Variants in THSD4 observed in about 807,000 individuals in gnomAD.
THSD4 encodes thrombospondin type-1 domain-containing protein 4.
In THSD4, 69 loss-of-function variants were observed where a neutral mutation model predicts 119.0. That is an observed-to-expected ratio of 0.58 (90% CI 0.48 to 0.71). THSD4 has a LOEUF of 0.71. THSD4 is among the 30% of genes least tolerant of loss of function. The pLI, the probability that THSD4 is intolerant of heterozygous loss-of-function variation, is 0.00. For synonymous variants in THSD4, 524 were observed against 540.4 expected (o/e 0.97, Z 0.42); for missense variants, 1,393 against 1,391.1 (o/e 1.00, Z -0.02).
chr15:71,164,197 A>G (rs1336476983), intron 3 of THSD4, among the ~76,000 whole-genome samples: 2 of 151,528 alleles, frequency 1.3e-5, no homozygotes, highest in African/African-American at 4.9e-5. Context: ...TTAGCTAACT[A>G]TATGAAAGGA....
At chr15:71,344,071 C>G (rs1180689930) in intron 6 of THSD4, among the ~76,000 whole-genome samples, 1 of 142,506 alleles carries the variant, frequency 7.0e-6, no homozygotes, top group Non-Finnish European at 1.5e-5. Context: ...CAGAGTCTCG[C>G]TCTGTCGCCC....
At chr15:71,378,388 A>G (rs143349549) in intron 6 of THSD4, among the ~76,000 whole-genome samples, 143 of 152,310 alleles carry the variant, frequency 9.4e-4, no homozygotes, top group African/African-American at 3.2e-3. Context: ...ATGGCTAGCC[A>G]GCTTCTTTCC....
chr15:71,321,408 C>T (rs145428114), intron 6 of THSD4, among the ~76,000 whole-genome samples: 2,789 of 152,106 alleles, frequency 0.018, 88 homozygotes, highest in African/African-American at 0.064. Flanking sequence ...TGGTGGCAGG[C>T]GCCTGTAATT....
intron 8 of THSD4, among the ~76,000 whole-genome samples, chr15:71,681,747 C>G (rs1322129807): frequency 6.6e-6 from 1 of 151,658 alleles, no homozygotes; most frequent in African/African-American, 2.4e-5. Context: ...AGATCAAGCA[C>G]CGTTTGAGTT....
chr15:71,448,134 T>C (rs74022142), intron 7 of THSD4, among the ~76,000 whole-genome samples: 43,673 of 152,144 alleles, frequency 0.29, 6,438 homozygotes, highest in Middle Eastern at 0.36. Flanking sequence ...TTTCTTGTTC[T>C]GTCTGCCTGC....
intron 7 of THSD4, among the ~76,000 whole-genome samples, chr15:71,659,969 A>C (rs60256718): frequency 0.11 from 16,707 of 152,032 alleles, 980 homozygotes; most frequent in East Asian, 0.2. Context: ...CTCTGGGAAA[A>C]GTGCTCTGGG....
At chr15:71,763,108 T>G (rs554787590) in intron 15 of THSD4, among the ~76,000 whole-genome samples, 6 of 152,134 alleles carry the variant, frequency 3.9e-5, no homozygotes, top group African/African-American at 9.6e-5. Flanking sequence ...AATCCCGTAG[T>G]TTTTTAATGC....
intron 8 of THSD4, among the ~76,000 whole-genome samples, chr15:71,710,934 T>C (rs2052498940): frequency 6.6e-6 from 1 of 152,138 alleles, no homozygotes; most frequent in Non-Finnish European, 1.5e-5. Flanking sequence ...GACAAGTATC[T>C]AACTTAGTTT....
intron 14 of THSD4, among the ~76,000 whole-genome samples, chr15:71,756,601 G>A (rs1248774344): frequency 6.6e-6 from 1 of 152,078 alleles, no homozygotes; most frequent in Non-Finnish European, 1.5e-5. Context: ...TGGGCAACAT[G>A]GCAAAATCCC....
At chr15:71,538,303 A>G (rs2048713389) in intron 7 of THSD4, among the ~76,000 whole-genome samples, 1 of 152,176 alleles carries the variant, frequency 6.6e-6, no homozygotes, top group African/African-American at 2.4e-5. Context: ...AATTAGAGAA[A>G]TAACTTTACT....
chr15:71,744,837 C>T (rs2053303751), intron 11 of THSD4, among the ~76,000 whole-genome samples: 1 of 152,178 alleles, frequency 6.6e-6, no homozygotes, highest in Admixed American at 6.5e-5. Context: ...TGCCTTTGAG[C>T]ATATTTAGAC....
chr15:71,310,362 G>T (rs1265823758), intron 6 of THSD4, among the ~76,000 whole-genome samples: 1 of 152,144 alleles, frequency 6.6e-6, no homozygotes, highest in East Asian at 1.9e-4. Flanking sequence ...TGAGAAATCA[G>T]CTCACAAAAG....
chr15:71,635,455 G>A (rs2050720893), intron 7 of THSD4, among the ~76,000 whole-genome samples: 1 of 152,122 alleles, frequency 6.6e-6, no homozygotes, highest in South Asian at 2.1e-4. Context: ...TGAGAAGATG[G>A]CCTTGAAGAT....
intron 4 of THSD4, among the ~76,000 whole-genome samples, chr15:71,225,540 TTTTTTTTTTTC>T (rs2044009070): frequency 4.5e-5 from 4 of 89,244 alleles, no homozygotes; most frequent in Admixed American, 2.5e-4. Context: ...TTTCTTTTTC[TTTTTTTTTTTC>T]TTTTTTTTTT....
In THSD4 at chr15:71,577,725, T is replaced by G. The variant is rs146961057; in HGVS notation, c.1153-82805T>G. On this transcript the variant is annotated intron_variant, in intron 7 of 17. Coordinates refer to ENST00000261862, the MANE Select transcript of THSD4 (RefSeq NM_024817.3). ...CCTTTATTTATTTATTTTATTTTAT[T>G]TTATTTTATTTTTGAGACGGAGTCT... Among the ~76,000 whole-genome samples the G allele has an allele frequency of 2.8e-3, 414 of 146,550 alleles. 3 individuals carry two copies. Among genetic ancestry groups the G allele is most frequent in the African/African-American group, 0.01 (399 of 39,724 alleles).
chr15:71,676,304 C>T (rs932232985), intron 8 of THSD4, among the ~76,000 whole-genome samples: 1 of 151,970 alleles, frequency 6.6e-6, no homozygotes, highest in Non-Finnish European at 1.5e-5. Context: ...TTTTTTGAGA[C>T]GGAGTCTCGC....
At chr15:71,375,424 T>G (rs2046120693) in intron 6 of THSD4, among the ~76,000 whole-genome samples, 1 of 152,206 alleles carries the variant, frequency 6.6e-6, no homozygotes, top group Admixed American at 6.5e-5. Context: ...CTGCCTATGC[T>G]TCTCCCCTCC....
At chr15:71,403,863 C>T (rs988937067) in intron 6 of THSD4, among the ~76,000 whole-genome samples, 2 of 152,148 alleles carry the variant, frequency 1.3e-5, no homozygotes, top group African/African-American at 4.8e-5. Context: ...ATGCTGCTTG[C>T]TCTTTTTTAT....
At chr15:71,224,781 T>C (rs985253655) in intron 4 of THSD4, among the ~76,000 whole-genome samples, 2 of 152,138 alleles carry the variant, frequency 1.3e-5, no homozygotes, top group African/African-American at 4.8e-5. Context: ...GCTTCTGTAA[T>C]CTCATCTCGT....
Sources: gnomAD v4.1 joint callset for allele counts (sites outside exome capture counted in the v4.1 genomes callset) on GRCh38, gnomAD v4.1.1 for gene constraint, MANE v1.5 for transcripts, NCBI Gene and HGNC (gene_info 2026-07-23, HGNC 2026-07-21) for gene names.